The following PPARD variants were observed in gnomAD, a reference collection of about 807,000 sequenced individuals.
PPARD encodes the protein peroxisome proliferator-activated receptor delta.
A neutral mutation model predicts 39.5 loss-of-function variants in PPARD; 6 were observed. The ratio of observed to expected loss-of-function variants is 0.15; its 90% confidence interval spans 0.08 to 0.30. The LOEUF is 0.30. PPARD is among the 10% of genes least tolerant of loss of function. The pLI is 1.00. For synonymous variants in PPARD, 210 were observed against 231.3 expected, an observed-to-expected ratio of 0.91 and a Z score of 0.83; for missense variants, 397 against 596.8, an observed-to-expected ratio of 0.67 and a Z score of 3.49.
chr6:35,357,748 G>T (rs2150475452), intron 2 of PPARD, among the ~76,000 whole-genome samples: 1 of 152,048 alleles, frequency 6.6e-6, no homozygotes, highest in Non-Finnish European at 1.5e-5. Context: ...TCTTGGCCAG[G>T]CTGGTCTCAA....
intron 2 of PPARD, among the ~76,000 whole-genome samples, chr6:35,364,673 A>G (rs1762095777): frequency 6.6e-6 from 1 of 150,596 alleles, no homozygotes; most frequent in African/African-American, 2.4e-5. Context: ...TCCTGACCTC[A>G]GGCAATCTCC....
rs35470204 is a variant in PPARD, at chr6:35,425,611, CG to C, written c.1079-214del. ...TAACCACAATACTACGTTGCCTAAT[CG>C]GGGGGGAGGTGGGGACAAATTGGCA... On this transcript the variant is annotated intron_variant, in intron 7 of 7. Coordinates refer to ENST00000360694, the MANE Select transcript of PPARD (RefSeq NM_006238.5). This position sits in a 1 kb window ranked among gnomAD's most constrained non-coding sequence, Gnocchi z 4.5. Among the ~76,000 whole-genome samples the C allele has an allele frequency of 2.0e-5, 3 of 150,650 alleles. No individual in the cohort carries two copies. The highest frequency in any genetic ancestry group is 7.3e-5 in the African/African-American group (3 of 40,914).
intron 2 of PPARD, among the ~76,000 whole-genome samples, chr6:35,387,825 G>A (rs1342943738): frequency 3.4e-5 from 5 of 146,438 alleles, no homozygotes; most frequent in Non-Finnish European, 5.9e-5. Flanking sequence ...AGGCTCAAGC[G>A]ATTCTCCTGC....
At position 35,401,672 on chromosome 6, in the gene PPARD, G is replaced by A. The variant is rs1209201990; in HGVS notation, c.-101-9315G>A. The stretch of plus-strand genomic sequence containing the variant: ...GGCTACGTAAGGTCCTCAGGAAAGC[G>A]TCTCCTGGCCACTCGCACCTGACTC... On this transcript the variant is annotated intron_variant, in intron 2 of 7. Coordinates refer to ENST00000360694, the MANE Select transcript of PPARD (RefSeq NM_006238.5). The surrounding 1 kb of genome is among the most constrained non-coding windows in gnomAD (Gnocchi z 4.1). Among the ~76,000 whole-genome samples the A allele has an allele frequency of 6.6e-6, 1 of 152,188 alleles. No homozygotes were observed. Among genetic ancestry groups the A allele is most frequent in the African/African-American group, 2.4e-5 (1 of 41,446 alleles).
chr6:35,419,601 G>A (rs9296154), intron 3 of PPARD, among the ~76,000 whole-genome samples: 10,955 of 152,252 alleles, frequency 0.072, 800 homozygotes, highest in African/African-American at 0.18. Context: ...CATCCCTGGA[G>A]TCTATGCAAG....
intron 2 of PPARD, among the ~76,000 whole-genome samples, chr6:35,379,244 C>T (rs541725387): frequency 6.6e-6 from 1 of 152,058 alleles, no homozygotes; most frequent in African/African-American, 2.4e-5. Context: ...GCTGGGGTTA[C>T]AGGCATCCGC....
intron 2 of PPARD, among the ~76,000 whole-genome samples, chr6:35,395,303 A>C: frequency 6.6e-6 from 1 of 152,188 alleles, no homozygotes. Context: ...AAGAGCTCTA[A>C]TGACAGGTCA....
In PPARD at chr6:35,424,755, A is replaced by G. The variant is rs775359832; in HGVS notation, c.1054A>G (p.Ile352Val). 1.2e-6 allele frequency: 2 copies of G among 1,613,964 alleles called. No homozygotes were observed. Among genetic ancestry groups the G allele is most frequent in the Admixed American group, 1.7e-5 (1 of 59,996 alleles). ...TGATGACAGTGACCTGGCCCTATTC[A>G]TTGCGGCCATCATTCTGTGTGGAGG... ...ELDDSDLALF[I>V]AAIILCGDRP... The change falls in exon 7 of 8, where the codon ATT (isoleucine) becomes GTT (valine). Residue 352 changes from isoleucine to valine, a missense_variant. Physicochemically the swap from Ile to Val is conservative, Grantham distance 29 (BLOSUM62 3). Coordinates refer to ENST00000360694, the MANE Select transcript of PPARD (RefSeq NM_006238.5). This position sits in a 1 kb window ranked among gnomAD's most constrained non-coding sequence, Gnocchi z 7.1.
rs41389649 is a variant in PPARD, at chr6:35,426,297, T to C, written c.*218T>C. The C allele has an allele frequency of 6.2e-4, 376 of 602,558 alleles. 2 individuals carry two copies. Among genetic ancestry groups the C allele is most frequent in the African/African-American group, 5.9e-3 (319 of 53,864 alleles). 37.3% of individuals were successfully genotyped at this position (602,558 alleles called of 1,614,324 possible). ...CTTCCTGTCTTTGTTGTCTCCCTCT[T>C]TCTCAGTTCCTCTTTCTTTTCTAAT... On this transcript the variant is annotated 3_prime_UTR_variant, in exon 8 of 8. Transcript: ENST00000360694.
chr6:35,407,986 A>T (rs1034813833), intron 2 of PPARD, among the ~76,000 whole-genome samples: 1 of 152,136 alleles, frequency 6.6e-6, no homozygotes, highest in Non-Finnish European at 1.5e-5. Context: ...AAATCCGGCA[A>T]TCAGTGCCTG....
chr6:35,353,918 G>T (rs1420440882), intron 2 of PPARD, among the ~76,000 whole-genome samples: 3 of 152,096 alleles, frequency 2.0e-5, no homozygotes, highest in Admixed American at 2.0e-4. Flanking sequence ...AACTTATGAT[G>T]GTTCAACTTT....
rs540839833 is a variant in PPARD at position 35,363,844 on chromosome 6, T to C, written c.-102+16694T>C. Among the ~76,000 whole-genome samples, 1 of 152,128 alleles carries C rather than the reference T, an allele frequency of 6.6e-6. No homozygotes were observed. Among genetic ancestry groups the C allele is most frequent in the African/African-American group, 2.4e-5 (1 of 41,522 alleles). On this transcript the variant is annotated intron_variant, in intron 2 of 7. Transcript: ENST00000360694. This position sits in a 1 kb window ranked among gnomAD's most constrained non-coding sequence, Gnocchi z 4.5. The stretch of plus-strand genomic sequence containing the variant: ...ATTTTTATAGCATAAAATTAAGATA[T>C]AGTTCACATAACCAAATTCACCACT...
At position 35,410,998 on chromosome 6, in the gene PPARD, C is replaced by G; in HGVS notation, c.-90C>G. 7.7e-7 allele frequency: 1 copy of G among 1,295,034 alleles called. No individual in the cohort carries two copies. 80.2% of individuals were successfully genotyped at this position (1,295,034 alleles called of 1,614,324 possible). The stretch of plus-strand genomic sequence containing the variant: ...TCTCCTCTGCCCAGGCTGATGGGAA[C>G]CACCCTGTAGAGGTCCATCTGCGTT... On this transcript the variant is annotated 5_prime_UTR_variant, in exon 3 of 8. Transcript: ENST00000360694.
chr6:35,355,598 CTTTTTTTTTTT>C (rs1166499750), intron 2 of PPARD, among the ~76,000 whole-genome samples: 13 of 33,464 alleles, frequency 3.9e-4, no homozygotes, highest in South Asian at 1.7e-3. Context: ...TCTTCTTCTT[CTTTTTTTTTTT>C]TTTTTTTTTT....
intron 1 of PPARD, among the ~76,000 whole-genome samples, chr6:35,345,447 A>G (rs931500234): frequency 8.6e-5 from 13 of 151,958 alleles, no homozygotes; most frequent in African/African-American, 3.1e-4. Flanking sequence ...CACCACACTC[A>G]GCTAATTAAA....
chr6:35,356,668 A>G (rs1251278187), intron 2 of PPARD, among the ~76,000 whole-genome samples: 7 of 152,170 alleles, frequency 4.6e-5, no homozygotes, highest in Admixed American at 4.6e-4. Flanking sequence ...CTACACACTA[A>G]GTGCCAGTGA....
rs776751609 is a variant in PPARD, at chr6:35,424,737, A to G, written c.1036A>G (p.Ser346Gly). 4 of 1,614,248 alleles carry G rather than the reference A, an allele frequency of 2.5e-6. No individual in the cohort carries two copies. The highest frequency in any genetic ancestry group is 2.2e-5 in the East Asian group (1 of 44,884). The change falls in exon 7 of 8, where the codon AGT becomes GGT. Residue 346 changes from serine to glycine, a missense_variant. Physicochemically the swap from Ser to Gly is moderately conservative, Grantham distance 56. Transcript: ENST00000360694. This position sits in a 1 kb window ranked among gnomAD's most constrained non-coding sequence, Gnocchi z 7.1. ...VKFNALELDD[S>G]DLALFIAAII... ...GTTCAACGCCCTGGAACTTGATGAC[A>G]GTGACCTGGCCCTATTCATTGCGGC...
chr6:35,383,589 G>C (rs1352073207), intron 2 of PPARD, among the ~76,000 whole-genome samples: 2 of 132,882 alleles, frequency 1.5e-5, no homozygotes, highest in African/African-American at 3.9e-5. Flanking sequence ...GGTGAGGAGC[G>C]CCTCTTTCCG....
intron 2 of PPARD, among the ~76,000 whole-genome samples, chr6:35,384,506 G>A (rs1763447222): frequency 8.4e-6 from 1 of 118,840 alleles, no homozygotes; most frequent in Non-Finnish European, 1.7e-5. Flanking sequence ...CCCCCCGCCC[G>A]GCCAGCCGCC....
Sources: gnomAD v4.1 joint callset for allele counts (sites outside exome capture counted in the v4.1 genomes callset) on GRCh38, gnomAD v4.1.1 for gene constraint, Gnocchi (gnomAD v3.1) non-coding constraint, MANE v1.5 for transcripts, NCBI Gene and HGNC (gene_info 2026-07-23, HGNC 2026-07-21) for gene names.